Variants in CHST9 observed in about 807,000 individuals in gnomAD.
CHST9 encodes the protein carbohydrate sulfotransferase 9.
Under a neutral mutation model 44.4 loss-of-function variants are expected in CHST9, and 41 were observed. The ratio of observed to expected loss-of-function variants is 0.92; its 90% CI spans 0.72 to 1.20. The LOEUF is 1.20. Among genes scored for constraint, CHST9 ranks in the 50% most tolerant of loss-of-function variants. The pLI is 0.00. For missense variants in CHST9, 504 were observed against 516.5 expected (o/e 0.98, Z 0.23); for synonymous variants, 171 against 178.4 (o/e 0.96, Z 0.33).
At chr18:27,100,775 G>A (rs2058163828) in intron 2 of CHST9, among the ~76,000 whole-genome samples, 3 of 152,168 alleles carry the variant, frequency 2.0e-5, no homozygotes, top group Non-Finnish European at 2.9e-5. Context: ...GAAAATCAAT[G>A]TAGTGGCCTC....
intron 5 of CHST9, among the ~76,000 whole-genome samples, chr18:26,922,796 C>A (rs146644922): frequency 1.3e-5 from 2 of 151,954 alleles, no homozygotes; most frequent in African/African-American, 2.4e-5. Context: ...CCACCACACC[C>A]GGCTAATTTT....
intron 4 of CHST9, among the ~76,000 whole-genome samples, chr18:27,022,819 G>T (rs1568137024): frequency 6.6e-6 from 1 of 152,140 alleles, no homozygotes; most frequent in Non-Finnish European, 1.5e-5. Context: ...TGTTTTTTGG[G>T]ATAACACATT....
intron 4 of CHST9, among the ~76,000 whole-genome samples, chr18:26,968,024 A>G (rs1352908579): frequency 1.3e-5 from 2 of 152,186 alleles, no homozygotes; most frequent in Non-Finnish European, 2.9e-5. Context: ...CCGCAGACTG[A>G]AGGCTGCACT....
At chr18:27,103,621 T>C (rs1371263412) in intron 2 of CHST9, among the ~76,000 whole-genome samples, 1 of 152,228 alleles carries the variant, frequency 6.6e-6, no homozygotes. Context: ...AAAACCAGGT[T>C]ATCCTCTGAT....
At chr18:26,919,013 T>C (rs1349986252) in intron 5 of CHST9, among the ~76,000 whole-genome samples, 3 of 152,110 alleles carry the variant, frequency 2.0e-5, no homozygotes, top group African/African-American at 7.2e-5. Context: ...AGGCCTGTCT[T>C]ATATGGTGGC....
chr18:27,044,551 G>A (rs997699913), intron 3 of CHST9, among the ~76,000 whole-genome samples: 15 of 151,994 alleles, frequency 9.9e-5, no homozygotes, highest in African/African-American at 3.6e-4. Context: ...GCTTTTCAAG[G>A]ATAATAGTTT....
Position 26,914,314 on chromosome 18 carries a change from A to G in CHST9, c.*1945T>C, listed in dbSNP as rs1202567428. 1 of 152,120 alleles carries G rather than the reference A, an allele frequency of 6.6e-6. No individual in the cohort carries two copies. Among genetic ancestry groups the G allele is most frequent in the Non-Finnish European group, 1.5e-5 (1 of 68,022 alleles). The allele number at this position is 152,120 out of a possible 1,614,324, so 9.4% of individuals were successfully genotyped here. ...TAGTTTTAGGAATACTTTTGAGGAA[A>G]TTGCCTTTATTCTTTATAGTGGATT... On this transcript the variant is annotated 3_prime_UTR_variant, in exon 6 of 6. Transcript: ENST00000618847.
intron 4 of CHST9, among the ~76,000 whole-genome samples, chr18:27,013,711 T>A (rs763097131): frequency 5.9e-5 from 9 of 152,228 alleles, no homozygotes; most frequent in Non-Finnish European, 1.3e-4. Context: ...GTATTTAACT[T>A]ATTATACACA....
chr18:27,027,427 A>G (rs895332736), intron 3 of CHST9, among the ~76,000 whole-genome samples: 1 of 152,238 alleles, frequency 6.6e-6, no homozygotes, highest in Non-Finnish European at 1.5e-5. Flanking sequence ...GAAAAAAATA[A>G]TCACAGTGAA....
At chr18:27,155,276 T>C (rs1344337068) in intron 1 of CHST9, among the ~76,000 whole-genome samples, 3 of 152,162 alleles carry the variant, frequency 2.0e-5, no homozygotes, top group Admixed American at 1.3e-4. Flanking sequence ...TTCCAGATGC[T>C]TAGCACAGGG....
chr18:26,919,969 C>T (rs1350325457), intron 5 of CHST9, among the ~76,000 whole-genome samples: 2 of 152,176 alleles, frequency 1.3e-5, no homozygotes, highest in African/African-American at 4.8e-5. Flanking sequence ...CCAGCAAAGC[C>T]CTCTGCTTCT....
At chr18:27,025,823 A>G (rs145086741) in intron 3 of CHST9, among the ~76,000 whole-genome samples, 1 of 152,314 alleles carries the variant, frequency 6.6e-6, no homozygotes, top group African/African-American at 2.4e-5. Flanking sequence ...ATCATGGCTT[A>G]GTGATAAGAA....
chr18:26,923,826 A>G (rs1194011026), intron 5 of CHST9, among the ~76,000 whole-genome samples: 1 of 152,170 alleles, frequency 6.6e-6, no homozygotes, highest in Non-Finnish European at 1.5e-5. Flanking sequence ...AAAGTGCTTA[A>G]TTTTTCTGGA....
At chr18:27,184,566 CT>C (rs2058940334) in intron 1 of CHST9, among the ~76,000 whole-genome samples, 1 of 152,114 alleles carries the variant, frequency 6.6e-6, no homozygotes, top group African/African-American at 2.4e-5. Context: ...CCCGGTCCCC[CT>C]AACTTCCCTC....
chr18:26,979,355 T>G (rs1206392636), intron 4 of CHST9, among the ~76,000 whole-genome samples: 1 of 152,218 alleles, frequency 6.6e-6, no homozygotes, highest in Non-Finnish European at 1.5e-5. Context: ...TTTTTTTCTA[T>G]GCATATATGG....
intron 2 of CHST9, among the ~76,000 whole-genome samples, chr18:27,049,108 C>T (rs975000093): frequency 2.0e-5 from 3 of 152,084 alleles, no homozygotes; most frequent in Non-Finnish European, 4.4e-5. Flanking sequence ...GAAGAACTTG[C>T]ACACTTACAG....
chr18:27,159,898 T>C (rs1297625379), intron 1 of CHST9, among the ~76,000 whole-genome samples: 3 of 152,242 alleles, frequency 2.0e-5, no homozygotes, highest in African/African-American at 7.2e-5. Flanking sequence ...ACTCATGATT[T>C]GGCTCTCTAT....
At chr18:27,024,011 G>A in intron 4 of CHST9, 105 bp downstream of exon 4, 1 of 1,094,600 alleles carries the variant, frequency 9.1e-7, no homozygotes, top group Admixed American at 2.1e-5. Context: ...ATCATCAGCA[G>A]AACAGGTGCT....
At chr18:27,082,100 C>T (rs191636676) in intron 2 of CHST9, among the ~76,000 whole-genome samples, 1 of 152,216 alleles carries the variant, frequency 6.6e-6, no homozygotes, top group East Asian at 1.9e-4. Context: ...TAAAAGTGTA[C>T]CTAAGAAACA....
Sources: allele counts gnomAD v4.1 joint callset (sites outside exome capture counted in the v4.1 genomes callset), GRCh38; gene constraint gnomAD v4.1.1; transcripts MANE v1.5; gene names NCBI Gene and HGNC (gene_info 2026-07-23, HGNC 2026-07-21).